The following MTMR8 variants were observed in gnomAD, a reference collection of about 807,000 sequenced individuals.
The protein encoded by MTMR8 is phosphatidylinositol-3,5-bisphosphate 3-phosphatase MTMR8.
Under a neutral mutation model 39.3 loss-of-function variants are expected in MTMR8, and 65 were observed. That is an observed-to-expected ratio of 1.65 (90% CI 1.35 to 2.03). MTMR8 has a LOEUF of 2.03. Among genes scored for constraint, MTMR8 ranks in the 30% most tolerant of loss-of-function variants. The pLI is 0.00. For synonymous variants in MTMR8, 245 were observed against 185.2 expected, an observed-to-expected ratio of 1.32 and a Z score of -2.62; for missense variants, 777 against 538.9, an observed-to-expected ratio of 1.44 and a Z score of -4.37.
chrX:64,322,355 C>T (rs1358011227), intron 12 of MTMR8, among the ~76,000 whole-genome samples: 1 of 110,905 alleles, frequency 9.0e-6, no homozygotes, highest in Non-Finnish European at 1.9e-5. Context: ...GGGTATTGGC[C>T]AGGGATATTC....
rs200119231 is a variant in MTMR8 at position 64,328,737 on chromosome X, G to A, written c.1481+35C>T. 6.6e-5 allele frequency: 75 copies of A among 1,130,112 alleles called. No individual in the cohort carries two copies. In the African/African-American group the frequency reaches 1.3e-3, roughly 20 times the overall value. The allele number at this position is 1,130,112 out of a possible 1,213,427, so 93.1% of individuals were successfully genotyped here. ...CAAGGAAGCTGAGACCCTGGGACCTGCTATAAGAAAGGAGGGAAAAACTTA... is the reference window on the plus strand; with the variant it reads ...CAAGGAAGCTGAGACCCTGGGACCTACTATAAGAAAGGAGGGAAAAACTTA... On this transcript the variant is annotated intron_variant, in intron 12 of 13. Coordinates refer to ENST00000374852, the MANE Select transcript of MTMR8 (RefSeq NM_017677.4).
In MTMR8 at chrX:64,350,073, A is replaced by G. The variant is rs200307196; in HGVS notation, c.469-3T>C. 3.6e-5 allele frequency: 39 copies of G among 1,079,239 alleles called. No homozygotes were observed. Among genetic ancestry groups the G allele is most frequent in the Non-Finnish European group, 4.8e-5 (39 of 810,595 alleles). The allele number at this position is 1,079,239 out of a possible 1,213,427, so 88.9% of individuals were successfully genotyped here. A position where few individuals can be genotyped will look rare whatever the true frequency, so the allele number is the denominator to read the frequency against. On this transcript the variant is annotated splice_region_variant and splice_polypyrimidine_tract_variant and intron_variant, in intron 4 of 13. Coordinates refer to ENST00000374852, the MANE Select transcript of MTMR8 (RefSeq NM_017677.4). Reference sequence around the variant, plus strand: ...TCAGGAGGGTAGGTGCTGCATATCTAAAAGAAAATAAGCACAATATATATA... The same window carrying G: ...TCAGGAGGGTAGGTGCTGCATATCTGAAAGAAAATAAGCACAATATATATA...
chrX:64,281,179 A>G (rs959677469), intron 12 of MTMR8, among the ~76,000 whole-genome samples: 8 of 111,942 alleles, frequency 7.1e-5, no homozygotes, highest in Non-Finnish European at 1.3e-4. Flanking sequence ...GACATTTTAC[A>G]TAGAATTAGA....
chrX:64,336,035 T>C (rs1184536369), intron 10 of MTMR8, 44 bp downstream of exon 10: 2 of 1,052,922 alleles, frequency 1.9e-6, no homozygotes, highest in Admixed American at 5.3e-5. Flanking sequence ...TTCACCCTAA[T>C]GAACTATCCT....
intron 12 of MTMR8, among the ~76,000 whole-genome samples, chrX:64,290,366 GT>G (rs1237978952): frequency 9.0e-6 from 1 of 110,533 alleles, no homozygotes; most frequent in Non-Finnish European, 1.9e-5. Context: ...ATGCTGTTTA[GT>G]TTTTTATCTT....
rs372518023 is a variant in MTMR8, at chrX:64,394,303, C to A, written c.24+1037G>T. ...ACAAGAGGAGATTTGGGTGGGGACA[C>A]AGAGAAAAACCCTATCAGTAGGTGA... On this transcript the variant is annotated intron_variant, in intron 1 of 13. Transcript: ENST00000374852. 1.5e-4 allele frequency among the ~76,000 whole-genome samples: 17 copies of A among 111,558 alleles called. No homozygotes were observed. In the South Asian group the frequency reaches 6.5e-3, roughly 43 times the overall value.
intron 8 of MTMR8, among the ~76,000 whole-genome samples, chrX:64,338,697 T>C (rs755906747): frequency 2.7e-5 from 3 of 111,754 alleles, no homozygotes; most frequent in African/African-American, 6.5e-5. Flanking sequence ...GAGAATGGAT[T>C]GAGAAGACAT....
At chrX:64,380,914 G>A (rs924609459) in intron 1 of MTMR8, among the ~76,000 whole-genome samples, 2 of 111,804 alleles carry the variant, frequency 1.8e-5, no homozygotes, top group Non-Finnish European at 3.8e-5. Flanking sequence ...ACCCTACAAA[G>A]GACATGAACT....
At chrX:64,313,996 A>G (rs1922388802) in intron 12 of MTMR8, among the ~76,000 whole-genome samples, 1 of 112,005 alleles carries the variant, frequency 8.9e-6, no homozygotes, top group African/African-American at 3.2e-5. Context: ...ATTGTGGCAA[A>G]AGGTGGGTTC....
At chrX:64,308,320 ATTTTTTTTTT>A (rs778962275) in intron 12 of MTMR8, among the ~76,000 whole-genome samples, 1 of 69,608 alleles carries the variant, frequency 1.4e-5, no homozygotes, top group Non-Finnish European at 2.6e-5. Context: ...ACGGCTGGCT[ATTTTTTTTTT>A]TTTTTTTTTT....
chrX:64,318,122 TG>T (rs750693029), intron 12 of MTMR8, among the ~76,000 whole-genome samples: 4 of 112,294 alleles, frequency 3.6e-5, no homozygotes, highest in African/African-American at 1.3e-4. Context: ...TACCACTTAG[TG>T]GAAGTCCAGA....
chrX:64,349,013 T>C (rs1923416434), intron 5 of MTMR8, among the ~76,000 whole-genome samples: 1 of 111,513 alleles, frequency 9.0e-6, no homozygotes, highest in African/African-American at 3.3e-5. Flanking sequence ...AACCCAGTCT[T>C]GGTAAATCAG....
intron 1 of MTMR8, among the ~76,000 whole-genome samples, chrX:64,359,828 A>G: frequency 9.2e-6 from 1 of 108,915 alleles, no homozygotes; most frequent in Non-Finnish European, 1.9e-5. Flanking sequence ...TGAGGTACTT[A>G]TCTTGTTGGA....
intron 1 of MTMR8, among the ~76,000 whole-genome samples, chrX:64,370,989 C>CA (rs1242436655): frequency 6.3e-5 from 7 of 110,933 alleles, no homozygotes; most frequent in African/African-American, 1.6e-4. Context: ...CTCGTCTCTA[C>CA]AAAAAACAAT....
chrX:64,392,500 T>G (rs1166224979), intron 1 of MTMR8, among the ~76,000 whole-genome samples: 1 of 112,187 alleles, frequency 8.9e-6, no homozygotes, highest in Non-Finnish European at 1.9e-5. Context: ...TGTATCCTGT[T>G]AGAGGTCAGT....
chrX:64,317,928 C>A (rs969947419), intron 12 of MTMR8, among the ~76,000 whole-genome samples: 3 of 111,960 alleles, frequency 2.7e-5, no homozygotes, highest in Non-Finnish European at 5.6e-5. Context: ...GGGATTCAGG[C>A]CCCCCACTCA....
chrX:64,286,603 G>C (rs781702859), intron 12 of MTMR8, among the ~76,000 whole-genome samples: 67 of 111,824 alleles, frequency 6.0e-4, no homozygotes, highest in African/African-American at 2.2e-3. Flanking sequence ...ACACCAAAAA[G>C]CTTATCCACC....
rs777696381 is a variant in MTMR8 at position 64,361,326 on chromosome X, TACTC to T, written c.25-1803_25-1800del. ...CCAGTCACTGGAAAAAGAATAAAGT[TACTC>T]AGTCCATTTTATGAGGGCAATTTAA... On this transcript the variant is annotated intron_variant, in intron 1 of 13. Coordinates refer to ENST00000374852, the MANE Select transcript of MTMR8 (RefSeq NM_017677.4). Among the ~76,000 whole-genome samples the T allele has an allele frequency of 5.4e-5, 6 of 111,471 alleles. No homozygotes were observed. The East Asian group carries it at 8.4e-4, about 16-fold the overall frequency.
chrX:64,389,820 A>C (rs1490270646), intron 1 of MTMR8, among the ~76,000 whole-genome samples: 2 of 112,033 alleles, frequency 1.8e-5, no homozygotes, highest in Non-Finnish European at 3.8e-5. Context: ...CAACAGACTC[A>C]GAGTGTTTAA....
Sources: allele counts gnomAD v4.1 joint callset (sites outside exome capture counted in the v4.1 genomes callset), GRCh38; gene constraint gnomAD v4.1.1; transcripts MANE v1.5; gene names NCBI Gene and HGNC (gene_info 2026-07-23, HGNC 2026-07-21).